DSCAM: variants seen among roughly 807,000 people sequenced by gnomAD.
DSCAM encodes cell adhesion molecule DSCAM.
DSCAM carries 47 observed loss-of-function variants against 217.7 expected under a neutral mutation model. The ratio of observed to expected loss-of-function variants is 0.22; its 90% CI spans 0.17 to 0.28. The LOEUF (loss-of-function observed/expected upper bound fraction) is 0.28, where lower values mean the gene tolerates loss of function less well. Ranked by LOEUF, DSCAM falls within the 10% of genes least tolerant of loss-of-function variation. DSCAM has a pLI of 1.00. For missense variants in DSCAM, 2,080 were observed against 2,618.3 expected (o/e 0.79, Z 4.49); for synonymous variants, 1,056 against 1,015.3 (o/e 1.04, Z -0.76).
At chr21:40,404,983 T>G (rs989464467) in intron 3 of DSCAM, among the ~76,000 whole-genome samples, 1 of 152,188 alleles carries the variant, frequency 6.6e-6, no homozygotes, top group African/African-American at 2.4e-5. Flanking sequence ...GGCTTTTAAT[T>G]TGCTTCAGTA....
At chr21:40,489,500 C>T (rs1251046231) in intron 3 of DSCAM, among the ~76,000 whole-genome samples, 12 of 152,074 alleles carry the variant, frequency 7.9e-5, no homozygotes, top group African/African-American at 2.2e-4. Flanking sequence ...AAGGGCCGGG[C>T]GCGGTGGCTC....
intron 3 of DSCAM, among the ~76,000 whole-genome samples, chr21:40,475,964 G>C (rs896814442): frequency 6.6e-6 from 1 of 152,178 alleles, no homozygotes; most frequent in East Asian, 1.9e-4. Context: ...CGAACTATCT[G>C]TCAGGTTATC....
intron 1 of DSCAM, among the ~76,000 whole-genome samples, chr21:40,762,644 G>C (rs566198564): frequency 6.6e-6 from 1 of 152,228 alleles, no homozygotes; most frequent in East Asian, 1.9e-4. Context: ...CCAAAACCTG[G>C]CAGAGACACA....
intron 3 of DSCAM, among the ~76,000 whole-genome samples, chr21:40,405,515 A>C (rs575219327): frequency 6.6e-6 from 1 of 152,362 alleles, no homozygotes; most frequent in East Asian, 1.9e-4. Flanking sequence ...ATGATATCAA[A>C]CTAAAAAGCT....
chr21:40,134,159 G>C, intron 18 of DSCAM, 150 bp from the exon 19 acceptor site: 7 of 982,764 alleles, frequency 7.1e-6, no homozygotes, highest in Non-Finnish European at 1.0e-5. Context: ...ACTGTGCACA[G>C]TCATCCTGTG....
Position 40,282,590 on chromosome 21 carries a change from C to CAAA in DSCAM, c.2183-6323_2183-6321dup, listed in dbSNP as rs528248714. Among the ~76,000 whole-genome samples, 78 of 32,930 alleles carry CAAA rather than the reference C, an allele frequency of 2.4e-3. 4 individuals carry two copies. Among genetic ancestry groups the CAAA allele is most frequent in the African/African-American group, 3.3e-3 (57 of 17,386 alleles). 21.6% of individuals were successfully genotyped at this position (32,930 alleles called of 152,430 possible). A position where few individuals can be genotyped will look rare whatever the true frequency, so the allele number is the denominator to read the frequency against. On this transcript the variant is annotated intron_variant, in intron 10 of 32. Transcript: ENST00000400454. ...TGGGCGAAAGAGCGAGACTCTGTCTCAAAAAAAAAAAAAAAAAAAAAAAAA... is the reference window on the plus strand; with the variant it reads ...TGGGCGAAAGAGCGAGACTCTGTCTCAAAAAAAAAAAAAAAAAAAAAAAAAAAA...
At chr21:40,507,986 A>C (rs2076222898) in intron 3 of DSCAM, among the ~76,000 whole-genome samples, 1 of 152,082 alleles carries the variant, frequency 6.6e-6, no homozygotes, top group Non-Finnish European at 1.5e-5. Flanking sequence ...GTATTTGCTA[A>C]ATGTACCTGT....
intron 3 of DSCAM, among the ~76,000 whole-genome samples, chr21:40,443,090 G>A (rs1194338497): frequency 6.6e-6 from 1 of 152,196 alleles, no homozygotes; most frequent in Non-Finnish European, 1.5e-5. Flanking sequence ...TCTCACACCT[G>A]TGGATCATAT....
intron 3 of DSCAM, among the ~76,000 whole-genome samples, chr21:40,658,918 T>C (rs901388544): frequency 6.6e-6 from 1 of 152,138 alleles, no homozygotes; most frequent in African/African-American, 2.4e-5. Context: ...CTGAGATGAA[T>C]GGAAAGTTGC....
At chr21:40,064,116 G>GTATATATATATA (rs35690892) in intron 27 of DSCAM, among the ~76,000 whole-genome samples, 1 of 149,050 alleles carries the variant, frequency 6.7e-6, no homozygotes, top group African/African-American at 2.5e-5. Context: ...CACTTACAAA[G>GTATATATATATA]TATATATATA....
At chr21:40,819,841 T>C (rs956899842) in intron 1 of DSCAM, among the ~76,000 whole-genome samples, 2 of 152,178 alleles carry the variant, frequency 1.3e-5, no homozygotes, top group Non-Finnish European at 2.9e-5. Flanking sequence ...TCCCCTCTTA[T>C]CTTTCAAATA....
chr21:40,378,718 A>T (rs1365316797), intron 3 of DSCAM, among the ~76,000 whole-genome samples: 3 of 150,998 alleles, frequency 2.0e-5, no homozygotes, highest in Non-Finnish European at 1.5e-5. Flanking sequence ...CAGCCTCCCG[A>T]GTAGCTGGGA....
intron 11 of DSCAM, among the ~76,000 whole-genome samples, chr21:40,212,083 C>T (rs894127897): frequency 2.6e-5 from 4 of 151,980 alleles, no homozygotes; most frequent in African/African-American, 9.7e-5. Flanking sequence ...ATTTCTCCTG[C>T]CTCAGCCTCC....
At chr21:40,742,442 G>A (rs895733373) in intron 1 of DSCAM, among the ~76,000 whole-genome samples, 3 of 152,118 alleles carry the variant, frequency 2.0e-5, no homozygotes, top group South Asian at 2.1e-4. Context: ...CCAAGGGAAT[G>A]GGTTCTCTTC....
At chr21:40,655,446 C>T (rs376729265) in intron 3 of DSCAM, among the ~76,000 whole-genome samples, 8 of 138,880 alleles carry the variant, frequency 5.8e-5, no homozygotes, top group African/African-American at 1.1e-4. Context: ...ATCTGTCTCT[C>T]TTTTTTTTTT....
At chr21:40,224,653 C>A (rs189988475) in intron 11 of DSCAM, among the ~76,000 whole-genome samples, 1 of 152,104 alleles carries the variant, frequency 6.6e-6, no homozygotes, top group African/African-American at 2.4e-5. Context: ...CAAAAATCAA[C>A]AATTGGCAAT....
chr21:40,764,326 CAAAA>C (rs143273195), intron 1 of DSCAM, among the ~76,000 whole-genome samples: 46,036 of 126,036 alleles, frequency 0.37, 8,075 homozygotes, highest in Non-Finnish European at 0.44. Flanking sequence ...TTTATGCCGC[CAAAA>C]AAAAAAAAAA....
At chr21:40,044,297 G>A in intron 30 of DSCAM, 22 bp from the exon 31 acceptor site, 1 of 1,601,104 alleles carries the variant, frequency 6.2e-7, no homozygotes, top group Non-Finnish European at 8.5e-7. Context: ...CAAGAATCAT[G>A]TCTGCCTTTG....
chr21:40,057,664 A>T (rs75151749), intron 28 of DSCAM, among the ~76,000 whole-genome samples: 2,036 of 152,292 alleles, frequency 0.013, 48 homozygotes, highest in African/African-American at 0.046. Flanking sequence ...GCTGTGAACC[A>T]CTGCGACTGG....
Sources: allele counts gnomAD v4.1 joint callset (sites outside exome capture counted in the v4.1 genomes callset), GRCh38; gene constraint gnomAD v4.1.1; transcripts MANE v1.5; gene names NCBI Gene and HGNC (gene_info 2026-07-23, HGNC 2026-07-21).